ABR: variants seen among roughly 807,000 people sequenced by gnomAD.
ABR encodes active breakpoint cluster region-related protein.
ABR carries 35 observed loss-of-function variants against 107.2 expected under a neutral mutation model. That is an observed-to-expected ratio of 0.33 (90% confidence interval 0.25 to 0.43). The LOEUF (loss-of-function observed/expected upper bound fraction) is 0.43. Among genes scored for constraint, ABR ranks in the 20% least tolerant of loss-of-function variants. The pLI is 1.00. For missense variants in ABR, 815 were observed against 1,115.2 expected (o/e 0.73, Z 3.83); for synonymous variants, 498 against 462.0 (o/e 1.08, Z -1.00).
At chr17:1,025,101 G>A (rs1385563060) in intron 16 of ABR, among the ~76,000 whole-genome samples, 4 of 85,018 alleles carry the variant, frequency 4.7e-5, no homozygotes, top group Non-Finnish European at 7.0e-5. Context: ...CAGCCTGGGC[G>A]ACAGCGAGAC....
intron 1 of ABR, among the ~76,000 whole-genome samples, chr17:1,137,006 C>T (rs1438874399): frequency 6.3e-4 from 7 of 11,052 alleles, no homozygotes; most frequent in African/African-American, 9.6e-4. Context: ...TAAATCATTT[C>T]TTTTTTCTCT....
At chr17:1,089,838 T>C (rs896000238) in intron 4 of ABR, among the ~76,000 whole-genome samples, 15 of 152,132 alleles carry the variant, frequency 9.9e-5, no homozygotes, top group African/African-American at 2.9e-4. Context: ...TGGGCGCCTG[T>C]AATCCCAGCT....
intron 1 of ABR, among the ~76,000 whole-genome samples, chr17:1,217,986 C>T (rs984580955): frequency 2.0e-5 from 3 of 151,644 alleles, no homozygotes; most frequent in Non-Finnish European, 2.9e-5. Context: ...CGTGCTACCA[C>T]GCCCGACTAA....
At chr17:1,012,074 A>G (rs2070618502) in intron 18 of ABR, 89 bp from the exon 19 acceptor site, 2 of 1,589,980 alleles carry the variant, frequency 1.3e-6, no homozygotes, top group Non-Finnish European at 1.7e-6. Flanking sequence ...CACCCTGGAG[A>G]GCTTCTAGCA....
intron 2 of ABR, among the ~76,000 whole-genome samples, chr17:1,112,947 T>A (rs1808936): frequency 2.5e-5 from 3 of 120,406 alleles, no homozygotes; most frequent in African/African-American, 9.6e-5. Context: ...TCAGCAAGCA[T>A]TTGTTAACCA....
chr17:1,038,339 T>A (rs1227932442), intron 16 of ABR, among the ~76,000 whole-genome samples: 1 of 152,228 alleles, frequency 6.6e-6, no homozygotes, highest in Non-Finnish European at 1.5e-5. Context: ...AGGACACCTC[T>A]GGGTCAGACG....
upstream of ABR, chr17:1,182,040 CAT>C (rs1338486419): frequency 6.6e-6 from 1 of 152,152 alleles, no homozygotes; most frequent in African/African-American, 2.4e-5. Context: ...TTCGCGTTGC[CAT>C]AGTTTGCTTT....
intron 2 of ABR, among the ~76,000 whole-genome samples, chr17:1,124,741 C>A (rs1389322797): frequency 6.6e-6 from 1 of 152,222 alleles, no homozygotes; most frequent in African/African-American, 2.4e-5. Flanking sequence ...CAGCTCATTG[C>A]ACCCACAGGG....
chr17:1,021,577 G>A (rs754389090), intron 16 of ABR, among the ~76,000 whole-genome samples: 45 of 152,130 alleles, frequency 3.0e-4, no homozygotes, highest in Non-Finnish European at 2.9e-4. Context: ...AGGCCGAGGC[G>A]GGCGGATCAC....
chr17:1,104,103 C>T (rs1338422075), intron 2 of ABR, among the ~76,000 whole-genome samples: 1 of 152,128 alleles, frequency 6.6e-6, no homozygotes, highest in Non-Finnish European at 1.5e-5. Context: ...AGTTCCAGGT[C>T]CCACAGCCTC....
intron 16 of ABR, chr17:1,031,472 C>G: frequency 1.5e-6 from 1 of 646,850 alleles, no homozygotes; most frequent in Non-Finnish European, 2.2e-6. Context: ...GACCCCAGCT[C>G]TGTCCCGGGA....
rs2040728287 is a variant in ABR at position 1,150,025 on chromosome 17, G to A, written c.62-24658C>T. On this transcript the variant is annotated intron_variant, in intron 1 of 22. Transcript: ENST00000302538. This position sits in a 1 kb window ranked among gnomAD's most constrained non-coding sequence, Gnocchi z 4.8. ...GGCACGTGGTATAACGTTAGTGGCT[G>A]TTATTGTCGTCACTGACGTTGTCAC... is the stretch of plus-strand genomic sequence containing the variant. Among the ~76,000 whole-genome samples, 1 of 152,162 alleles carries A rather than the reference G, an allele frequency of 6.6e-6. No homozygotes were observed. Among genetic ancestry groups the A allele is most frequent in the South Asian group, 2.1e-4 (1 of 4,828 alleles).
At chr17:1,186,486 GCA>G (rs1033377637) in intron 1 of ABR, among the ~76,000 whole-genome samples, 1 of 152,214 alleles carries the variant, frequency 6.6e-6, no homozygotes, top group African/African-American at 2.4e-5. Flanking sequence ...GCAGGATAAA[GCA>G]CAGTGACATC....
At chr17:1,094,662 A>C (rs147810775) in intron 3 of ABR, among the ~76,000 whole-genome samples, 531 of 152,282 alleles carry the variant, frequency 3.5e-3, no homozygotes, top group Non-Finnish European at 5.3e-3. Flanking sequence ...TTGAGCCACC[A>C]TGCCTGGCTG....
In ABR at chr17:1,154,614, G is replaced by C. The variant is rs781489647; in HGVS notation, c.61+25053C>G. 2.6e-5 allele frequency: 4 copies of C among 152,326 alleles called. No homozygotes were observed. Among genetic ancestry groups the C allele is most frequent in the African/African-American group, 9.7e-5 (4 of 41,374 alleles). 9.4% of individuals were successfully genotyped at this position (152,326 alleles called of 1,614,324 possible). ...TCCACATCCCCCAATTTCATGGAACGAGCACACAGAAAGGATGGGGGTCAC... is the reference window on the plus strand; with the variant it reads ...TCCACATCCCCCAATTTCATGGAACCAGCACACAGAAAGGATGGGGGTCAC... On this transcript the variant is annotated intron_variant, in intron 1 of 22. Transcript: ENST00000302538. This position sits in a 1 kb window ranked among gnomAD's most constrained non-coding sequence, Gnocchi z 4.0.
intron 16 of ABR, among the ~76,000 whole-genome samples, chr17:1,038,925 A>C (rs1320178407): frequency 6.6e-6 from 1 of 152,196 alleles, no homozygotes; most frequent in African/African-American, 2.4e-5. Flanking sequence ...GCCAGCAGGG[A>C]GGTTAGCGGC....
intron 1 of ABR, among the ~76,000 whole-genome samples, chr17:1,165,817 G>A (rs1057114782): frequency 6.6e-6 from 1 of 152,214 alleles, no homozygotes; most frequent in Non-Finnish European, 1.5e-5. Context: ...ACAGGCGTGG[G>A]CCACCATGTC....
At chr17:1,056,569 T>G (rs2033300743) in intron 13 of ABR, among the ~76,000 whole-genome samples, 1 of 152,088 alleles carries the variant, frequency 6.6e-6, no homozygotes, top group Admixed American at 6.6e-5. Flanking sequence ...CCAGCCCTGA[T>G]CACAGCTCCC....
At chr17:1,015,121 A>G (rs2071038093) in intron 16 of ABR, among the ~76,000 whole-genome samples, 1 of 152,106 alleles carries the variant, frequency 6.6e-6, no homozygotes, top group Non-Finnish European at 1.5e-5. Context: ...TTGGCAGTAC[A>G]TAATTAAAAA....
Sources: allele counts gnomAD v4.1 joint callset (sites outside exome capture counted in the v4.1 genomes callset), GRCh38; gene constraint gnomAD v4.1.1; non-coding constraint Gnocchi (gnomAD v3.1); transcripts MANE v1.5; gene names NCBI Gene and HGNC (gene_info 2026-07-23, HGNC 2026-07-21).